Variants in MAN1A1 observed in about 807,000 individuals in gnomAD.
MAN1A1 encodes mannosidase alpha class 1A member 1.
Under a neutral mutation model 70.8 loss-of-function variants are expected in MAN1A1, and 29 were observed. The ratio of observed to expected loss-of-function variants is 0.41; its 90% CI spans 0.31 to 0.56. MAN1A1 has a LOEUF of 0.56. Ranked by LOEUF, MAN1A1 falls within the 20% of genes least tolerant of loss-of-function variation. MAN1A1 has a pLI of 0.29. For synonymous variants in MAN1A1, 349 were observed against 330.1 expected (o/e 1.06, Z -0.62); for missense variants, 747 against 841.3 (o/e 0.89, Z 1.39).
intron 2 of MAN1A1, among the ~76,000 whole-genome samples, chr6:119,316,175 GTT>G (rs5879501): frequency 1.5e-4 from 17 of 116,180 alleles, no homozygotes; most frequent in Admixed American, 3.9e-4. Context: ...ATTTTTGTGG[GTT>G]TTTTTTTTTT....
At chr6:119,239,936 C>T (rs377661347) in intron 6 of MAN1A1, among the ~76,000 whole-genome samples, 5 of 152,194 alleles carry the variant, frequency 3.3e-5, no homozygotes, top group East Asian at 3.8e-4. Flanking sequence ...GTGAACAAAG[C>T]TGAATCTGTA....
At chr6:119,278,312 T>C (rs1349840070) in intron 5 of MAN1A1, among the ~76,000 whole-genome samples, 1 of 152,226 alleles carries the variant, frequency 6.6e-6, no homozygotes, top group Non-Finnish European at 1.5e-5. Context: ...TTAGCTGATA[T>C]TCATTTTGTT....
chr6:119,272,121 CATG>C (rs1775941192), intron 5 of MAN1A1, among the ~76,000 whole-genome samples: 1 of 152,138 alleles, frequency 6.6e-6, no homozygotes, highest in South Asian at 2.1e-4. Context: ...CAATTCCTAT[CATG>C]AATAGTCTTA....
intron 5 of MAN1A1, among the ~76,000 whole-genome samples, chr6:119,273,091 A>T (rs931795188): frequency 6.6e-6 from 1 of 152,184 alleles, no homozygotes; most frequent in African/African-American, 2.4e-5. Flanking sequence ...ATGAAAAGTT[A>T]AAAAAATTTA....
At chr6:119,349,875 A>G (rs1455240434), upstream of MAN1A1, 8 of 463,962 alleles carry the variant, frequency 1.7e-5, no homozygotes, top group African/African-American at 1.5e-4. Flanking sequence ...GGCGGGGCCG[A>G]GGCGAGGAGG....
intron 2 of MAN1A1, among the ~76,000 whole-genome samples, chr6:119,338,882 T>C (rs1425168437): frequency 6.6e-6 from 1 of 152,228 alleles, no homozygotes; most frequent in African/African-American, 2.4e-5. Flanking sequence ...CTTTGCTTTA[T>C]AAAATCCTAA....
chr6:119,310,417 C>G (rs1772669521), intron 2 of MAN1A1, among the ~76,000 whole-genome samples: 1 of 152,182 alleles, frequency 6.6e-6, no homozygotes, highest in Non-Finnish European at 1.5e-5. Flanking sequence ...CTTATGGCCT[C>G]CTTCTATGGG....
chr6:119,187,450 G>A (rs374267447), intron 11 of MAN1A1, among the ~76,000 whole-genome samples: 1 of 152,134 alleles, frequency 6.6e-6, no homozygotes, highest in Non-Finnish European at 1.5e-5. Context: ...GAGGCCTAGA[G>A]AATTGCTGTT....
intron 5 of MAN1A1, among the ~76,000 whole-genome samples, chr6:119,282,748 C>T (rs1776255959): frequency 6.6e-6 from 1 of 152,038 alleles, no homozygotes; most frequent in Admixed American, 6.6e-5. Context: ...TAATATACAA[C>T]AATTACATAA....
At chr6:119,192,611 AT>A (rs574376275) in intron 9 of MAN1A1, among the ~76,000 whole-genome samples, 2 of 152,086 alleles carry the variant, frequency 1.3e-5, no homozygotes, top group Non-Finnish European at 2.9e-5. Flanking sequence ...ACAAATTTCC[AT>A]TTTTTTCCTA....
intron 5 of MAN1A1, among the ~76,000 whole-genome samples, chr6:119,288,693 T>G (rs549034548): frequency 5.5e-4 from 83 of 152,012 alleles, no homozygotes; most frequent in African/African-American, 2.0e-3. Context: ...ATTCATTGAT[T>G]ATAGCAATAT....
intron 5 of MAN1A1, among the ~76,000 whole-genome samples, chr6:119,256,185 T>C (rs764683157): frequency 1.3e-5 from 2 of 152,182 alleles, no homozygotes; most frequent in Admixed American, 6.5e-5. Context: ...TTTACTAATA[T>C]ATAAAAGCAT....
chr6:119,284,368 G>T (rs1023725362), intron 5 of MAN1A1, among the ~76,000 whole-genome samples: 1 of 151,968 alleles, frequency 6.6e-6, no homozygotes, highest in Admixed American at 6.6e-5. Flanking sequence ...CTGCTGAGGG[G>T]GCCACTCAAA....
At chr6:119,297,792 T>A (rs1474676610) in intron 4 of MAN1A1, among the ~76,000 whole-genome samples, 34 of 103,546 alleles carry the variant, frequency 3.3e-4, no homozygotes, top group Admixed American at 3.2e-3. Context: ...CAGGCTGGAG[T>A]TTTTTTGTTT....
chr6:119,311,487 T>C (rs944287723), intron 2 of MAN1A1, among the ~76,000 whole-genome samples: 1 of 152,156 alleles, frequency 6.6e-6, no homozygotes, highest in African/African-American at 2.4e-5. Context: ...TACACTAGCT[T>C]TCATAAAATC....
At chr6:119,313,331 T>G (rs1033179492) in intron 2 of MAN1A1, among the ~76,000 whole-genome samples, 1 of 152,106 alleles carries the variant, frequency 6.6e-6, no homozygotes, top group Non-Finnish European at 1.5e-5. Context: ...CATTCCTCAG[T>G]GAGCGAGGGC....
chr6:119,228,057 A>G (rs925482495), intron 6 of MAN1A1, among the ~76,000 whole-genome samples: 9 of 152,226 alleles, frequency 5.9e-5, no homozygotes, highest in African/African-American at 2.2e-4. Context: ...ACAAGAAACA[A>G]AACATTTTAT....
In MAN1A1 at chr6:119,179,824, C is replaced by T. The variant is rs1339765035; in HGVS notation, c.1957G>A (p.Glu653Lys). ...KDKKEVEIRE[E>K] The stretch of plus-strand genomic sequence containing the variant: ...ATAAAATATAAAATGTCTTTTTATT[C>T]CTCTCTGATTTCAACTTCCTTTTTA... The change falls in exon 13 of 13, where the codon GAA becomes AAA. Residue 653 changes from glutamate (E) to lysine (K), a missense_variant. Transcript: ENST00000368468. 8 of 1,611,526 alleles carry T rather than the reference C, an allele frequency of 5.0e-6. No individual in the cohort carries two copies. Among genetic ancestry groups the T allele is most frequent in the African/African-American group, 1.3e-5 (1 of 74,822 alleles).
At chr6:119,313,521 T>C (rs1772768693) in intron 2 of MAN1A1, among the ~76,000 whole-genome samples, 1 of 152,192 alleles carries the variant, frequency 6.6e-6, no homozygotes, top group Admixed American at 6.5e-5. Context: ...AGGTGTTCTA[T>C]TTTCAAGATT....
Sources: gnomAD v4.1 joint callset for allele counts (sites outside exome capture counted in the v4.1 genomes callset) on GRCh38, gnomAD v4.1.1 for gene constraint, MANE v1.5 for transcripts, NCBI Gene and HGNC (gene_info 2026-07-23, HGNC 2026-07-21) for gene names.